ADGRB3: variants seen among roughly 807,000 people sequenced by gnomAD.
The protein encoded by ADGRB3 is brain-specific angiogenesis inhibitor 3.
Under a neutral mutation model 193.4 loss-of-function variants are expected in ADGRB3, and 37 were observed. The observed-to-expected ratio is 0.19, with a 90% confidence interval of 0.15 to 0.25. The LOEUF (loss-of-function observed/expected upper bound fraction) is 0.25, where lower values mean the gene tolerates loss of function less well. ADGRB3 is among the 10% of genes least tolerant of loss of function. ADGRB3 has a pLI of 1.00. For synonymous variants in ADGRB3, 690 were observed against 644.2 expected (o/e 1.07, Z -1.08); for missense variants, 1,637 against 1,852.9 (o/e 0.88, Z 2.14).
intron 3 of ADGRB3, among the ~76,000 whole-genome samples, chr6:68,698,748 A>T (rs1765194866): frequency 6.6e-6 from 1 of 152,044 alleles, no homozygotes; most frequent in Admixed American, 6.6e-5. Context: ...AAAGATATTT[A>T]TTCCAGCCTG....
intron 31 of ADGRB3, among the ~76,000 whole-genome samples, chr6:69,383,358 C>A (rs934355837): frequency 4.6e-5 from 7 of 151,868 alleles, no homozygotes; most frequent in African/African-American, 1.7e-4. Context: ...TTTTTGTCTC[C>A]AGGAGATTTA....
At chr6:68,893,624 A>G (rs568961908) in intron 3 of ADGRB3, among the ~76,000 whole-genome samples, 1 of 152,000 alleles carries the variant, frequency 6.6e-6, no homozygotes, top group African/African-American at 2.4e-5. Flanking sequence ...AGAGAAAAAA[A>G]GGACAATAGA....
At chr6:68,861,499 T>G (rs1198859675) in intron 3 of ADGRB3, among the ~76,000 whole-genome samples, 2 of 151,928 alleles carry the variant, frequency 1.3e-5, no homozygotes, top group African/African-American at 4.8e-5. Context: ...GAGGTGGAGC[T>G]TGCAGTGAGC....
At chr6:68,827,633 A>T (rs1048870695) in intron 3 of ADGRB3, among the ~76,000 whole-genome samples, 1 of 151,928 alleles carries the variant, frequency 6.6e-6, no homozygotes, top group Non-Finnish European at 1.5e-5. Flanking sequence ...AGAGCTTAGG[A>T]TTTAAAAGGA....
intron 12 of ADGRB3, among the ~76,000 whole-genome samples, chr6:69,015,493 A>G (rs995404833): frequency 6.6e-6 from 1 of 152,020 alleles, no homozygotes; most frequent in East Asian, 1.9e-4. Flanking sequence ...AGCTTTTACT[A>G]AAAGGCGGTG....
In ADGRB3 at chr6:68,912,731, T is replaced by G. The variant is rs531592978; in HGVS notation, c.758-17828T>G. Among the ~76,000 whole-genome samples, 98 of 152,060 alleles carry G rather than the reference T, an allele frequency of 6.4e-4. 1 individual carries two copies. The highest frequency in any genetic ancestry group is 3.4e-3 in the Middle Eastern group (1 of 292). ...TTTTATGGCTGCATAGTATTCCATG[T>G]TGTATATGTGCCACATTTGCTTAAT... is the stretch of plus-strand genomic sequence containing the variant. On this transcript the variant is annotated intron_variant, in intron 3 of 31. Coordinates refer to ENST00000370598, the MANE Select transcript of ADGRB3 (RefSeq NM_001704.3).
intron 27 of ADGRB3, among the ~76,000 whole-genome samples, 164 bp from the exon 28 acceptor site, chr6:69,355,656 CT>C (rs1398802349): frequency 6.6e-6 from 1 of 152,106 alleles, no homozygotes; most frequent in African/African-American, 2.4e-5. Context: ...CTAGAAAACA[CT>C]GTTGAAAACA....
At chr6:69,142,545 C>A (rs1310559144) in intron 17 of ADGRB3, among the ~76,000 whole-genome samples, 1 of 152,116 alleles carries the variant, frequency 6.6e-6, no homozygotes, top group Non-Finnish European at 1.5e-5. Flanking sequence ...AGCTGTCTTG[C>A]AAATTCATGT....
At chr6:68,868,059 G>A (rs1179021588) in intron 3 of ADGRB3, among the ~76,000 whole-genome samples, 5 of 152,160 alleles carry the variant, frequency 3.3e-5, no homozygotes, top group Non-Finnish European at 7.4e-5. Context: ...GTTTTGAAAT[G>A]TGAGAAGGAC....
chr6:69,271,194 G>C lies in ADGRB3; in HGVS notation c.2814+31968G>C, dbSNP rs144986499. Reference sequence around the variant, plus strand: ...TGAACGATAAGGAAAGCAGGGCACAGTTAACATGGTTTTCAGGATGGTGGT... The same window carrying C: ...TGAACGATAAGGAAAGCAGGGCACACTTAACATGGTTTTCAGGATGGTGGT... On this transcript the variant is annotated intron_variant, in intron 20 of 31. Transcript: ENST00000370598. 2.4e-3 allele frequency among the ~76,000 whole-genome samples: 365 copies of C among 152,306 alleles called. 4 individuals are homozygous for C. Among genetic ancestry groups the C allele is most frequent in the African/African-American group, 8.5e-3 (354 of 41,568 alleles).
intron 3 of ADGRB3, among the ~76,000 whole-genome samples, chr6:68,702,987 A>C (rs1368949818): frequency 1.3e-5 from 2 of 152,174 alleles, no homozygotes; most frequent in Non-Finnish European, 2.9e-5. Flanking sequence ...AATATTTTAA[A>C]TTTGGCATTT....
At chr6:69,221,475 G>T (rs1765892276) in intron 17 of ADGRB3, among the ~76,000 whole-genome samples, 1 of 152,110 alleles carries the variant, frequency 6.6e-6, no homozygotes, top group Admixed American at 6.6e-5. Flanking sequence ...TGGCTGGCCA[G>T]GTGGGTGATA....
At chr6:69,387,134 G>T (rs578024346) in intron 31 of ADGRB3, among the ~76,000 whole-genome samples, 67 of 152,016 alleles carry the variant, frequency 4.4e-4, no homozygotes, top group Non-Finnish European at 8.2e-4. Context: ...GAAATCAATT[G>T]TTTAAAATCA....
chr6:69,300,108 A>G (rs916084518), intron 20 of ADGRB3, among the ~76,000 whole-genome samples: 1 of 151,940 alleles, frequency 6.6e-6, no homozygotes, highest in Non-Finnish European at 1.5e-5. Flanking sequence ...AACACATTAA[A>G]AAATGATTCA....
chr6:68,808,671 T>C (rs1767454688), intron 3 of ADGRB3, among the ~76,000 whole-genome samples: 1 of 151,852 alleles, frequency 6.6e-6, no homozygotes, highest in Non-Finnish European at 1.5e-5. Context: ...AGATAACTCA[T>C]AGCAAGTACA....
At chr6:69,106,177 A>AAAAAAAAAAG (rs1198850478) in intron 17 of ADGRB3, among the ~76,000 whole-genome samples, 9 of 149,418 alleles carry the variant, frequency 6.0e-5, no homozygotes, top group Non-Finnish European at 1.5e-5. Flanking sequence ...AAAAAAAAAA[A>AAAAAAAAAAG]AAAAAAGAAA....
At chr6:69,197,507 A>G (rs1051363655) in intron 17 of ADGRB3, among the ~76,000 whole-genome samples, 2 of 152,188 alleles carry the variant, frequency 1.3e-5, no homozygotes, top group Non-Finnish European at 2.9e-5. Context: ...CAAAATAAGA[A>G]AATGGATACA....
intron 3 of ADGRB3, among the ~76,000 whole-genome samples, chr6:68,904,111 AAGGG>A (rs1270842572): frequency 0.016 from 1,298 of 83,154 alleles, 26 homozygotes; most frequent in African/African-American, 0.052. Flanking sequence ...GGAAGGAAGG[AAGGG>A]AGGGAGGGAG....
At chr6:69,143,494 C>T (rs954117352) in intron 17 of ADGRB3, among the ~76,000 whole-genome samples, 3 of 152,094 alleles carry the variant, frequency 2.0e-5, no homozygotes, top group African/African-American at 7.2e-5. Flanking sequence ...CACAGTTTTT[C>T]TGTAGTAGTT....
Sources: gnomAD v4.1 joint callset for allele counts (sites outside exome capture counted in the v4.1 genomes callset) on GRCh38, gnomAD v4.1.1 for gene constraint, MANE v1.5 for transcripts, NCBI Gene and HGNC (gene_info 2026-07-23, HGNC 2026-07-21) for gene names.